IGSF8: variants seen among roughly 807,000 people sequenced by gnomAD.
The protein encoded by IGSF8 is CD81 partner 3.
IGSF8 carries 46 observed loss-of-function variants against 55.5 expected under a neutral mutation model. The ratio of observed to expected loss-of-function variants is 0.83; its 90% CI spans 0.65 to 1.06. IGSF8 has a LOEUF of 1.06. Ranked by LOEUF, IGSF8 falls within the 50% of genes least tolerant of loss-of-function variation. IGSF8 has a pLI of 0.00. For missense variants in IGSF8, 731 were observed against 832.3 expected (o/e 0.88, Z 1.50); for synonymous variants, 314 against 356.1 (o/e 0.88, Z 1.33).
At position 160,093,693 on chromosome 1, in the gene IGSF8, G is replaced by T; in HGVS notation, c.904+17C>A. On this transcript the variant is annotated intron_variant, in intron 3 of 6. Coordinates refer to ENST00000314485, the MANE Select transcript of IGSF8 (RefSeq NM_052868.6). Reference sequence around the variant, plus strand: ...TCCCTCCCAGCTCCCACAGTGGGATGTATAAGTGGCACTTACACAGCGTCT... The same window carrying T: ...TCCCTCCCAGCTCCCACAGTGGGATTTATAAGTGGCACTTACACAGCGTCT... The T allele has an allele frequency of 6.3e-7, 1 of 1,576,188 alleles. No homozygotes were observed. Among genetic ancestry groups the T allele is most frequent in the Non-Finnish European group, 8.6e-7 (1 of 1,156,746 alleles).
chr1:160,093,391 A>C lies in IGSF8; in HGVS notation c.905-60T>G, dbSNP rs1029232577. 4.0e-6 allele frequency: 6 copies of C among 1,482,398 alleles called. No homozygotes were observed. In the African/African-American group the frequency reaches 8.4e-5, roughly 21 times the overall value. The allele number at this position is 1,482,398 out of a possible 1,614,324, so 91.8% of individuals were successfully genotyped here. On this transcript the variant is annotated intron_variant, in intron 3 of 6. Transcript: ENST00000314485. ...GCAGGAGGGGACACAGAGGCACCCG[A>C]TTCCCCAACTTCCTGTTTCCTACTT...
Sources: gnomAD v4.1 joint callset for allele counts on GRCh38, gnomAD v4.1.1 for gene constraint, MANE v1.5 for transcripts, NCBI Gene and HGNC (gene_info 2026-07-23, HGNC 2026-07-21) for gene names.